Variants in KCNIP4 observed in about 807,000 individuals in gnomAD.
KCNIP4 encodes the protein potassium voltage-gated channel interacting protein 4, also known as Kv channel-interacting protein 4.
Under a neutral mutation model 34.0 loss-of-function variants are expected in KCNIP4, and 12 were observed. That is an observed-to-expected ratio of 0.35 (90% confidence interval 0.23 to 0.57). The LOEUF is 0.57. KCNIP4 is among the 20% of genes least tolerant of loss of function. KCNIP4 has a pLI of 0.83. For missense variants in KCNIP4, 238 were observed against 311.7 expected, an observed-to-expected ratio of 0.76 and a Z score of 1.78; for synonymous variants, 124 against 102.2, an observed-to-expected ratio of 1.21 and a Z score of -1.29.
chr4:21,267,389 A>G (rs12108374), intron 1 of KCNIP4, among the ~76,000 whole-genome samples: 2,526 of 151,858 alleles, frequency 0.017, 69 homozygotes, highest in African/African-American at 0.058. Flanking sequence ...CACTATGTTG[A>G]ATAGGAGTGG....
chr4:21,745,133 G>A (rs1716687164), intron 1 of KCNIP4, among the ~76,000 whole-genome samples: 1 of 152,158 alleles, frequency 6.6e-6, no homozygotes, highest in African/African-American at 2.4e-5. Context: ...ATAGGTTCTA[G>A]AAAGATCTCC....
At chr4:21,152,567 T>C (rs901386976) in intron 1 of KCNIP4, among the ~76,000 whole-genome samples, 7 of 152,022 alleles carry the variant, frequency 4.6e-5, no homozygotes, top group African/African-American at 9.7e-5. Flanking sequence ...ATCAATATAC[T>C]GTATAGGCTT....
intron 1 of KCNIP4, among the ~76,000 whole-genome samples, chr4:21,368,686 A>C (rs1720042114): frequency 1.4e-5 from 2 of 147,380 alleles, no homozygotes; most frequent in African/African-American, 5.4e-5. Context: ...ATTTTCCCTA[A>C]AAAGTCAACA....
At chr4:21,252,546 T>C (rs1288399762) in intron 1 of KCNIP4, among the ~76,000 whole-genome samples, 1 of 152,060 alleles carries the variant, frequency 6.6e-6, no homozygotes, top group Non-Finnish European at 1.5e-5. Flanking sequence ...CACCATCACC[T>C]AAGCAGGGCA....
At chr4:21,264,971 C>T (rs899199638) in intron 1 of KCNIP4, among the ~76,000 whole-genome samples, 3 of 151,966 alleles carry the variant, frequency 2.0e-5, no homozygotes, top group East Asian at 1.9e-4. Flanking sequence ...TGGTGACTTG[C>T]GCCTGTGATC....
intron 1 of KCNIP4, among the ~76,000 whole-genome samples, chr4:21,370,212 T>C (rs1193095316): frequency 2.7e-5 from 4 of 147,340 alleles, no homozygotes; most frequent in Non-Finnish European, 4.4e-5. Flanking sequence ...TTTAAGTAGA[T>C]AGATATTGAG....
chr4:21,706,135 A>G (rs1426309697), intron 1 of KCNIP4, among the ~76,000 whole-genome samples: 1 of 152,220 alleles, frequency 6.6e-6, no homozygotes, highest in African/African-American at 2.4e-5. Context: ...TGGATTAGAT[A>G]TAACTACCAC....
chr4:21,630,053 G>A (rs546592379), intron 1 of KCNIP4, among the ~76,000 whole-genome samples: 22 of 148,170 alleles, frequency 1.5e-4, no homozygotes, highest in African/African-American at 5.2e-4. Context: ...TTGTAGAGAC[G>A]AGGTCTAGCT....
intron 1 of KCNIP4, among the ~76,000 whole-genome samples, chr4:21,676,029 G>A (rs1749866256): frequency 1.3e-5 from 2 of 152,096 alleles, no homozygotes; most frequent in African/African-American, 4.8e-5. Context: ...ATTATATACT[G>A]AGAAAACCAT....
At chr4:21,622,808 C>G (rs55743642) in intron 1 of KCNIP4, among the ~76,000 whole-genome samples, 40,220 of 151,986 alleles carry the variant, frequency 0.26, 6,074 homozygotes, top group African/African-American at 0.42. Flanking sequence ...CAAATAGAAA[C>G]TTTCTAAGTA....
At chr4:21,454,135 G>A (rs537295014) in intron 1 of KCNIP4, among the ~76,000 whole-genome samples, 3 of 152,108 alleles carry the variant, frequency 2.0e-5, no homozygotes, top group East Asian at 1.9e-4. Flanking sequence ...ACAGGGTAAG[G>A]CACCTCTATC....
chr4:21,234,418 T>A (rs62652514), intron 1 of KCNIP4, among the ~76,000 whole-genome samples: 39,745 of 94,540 alleles, frequency 0.42, 10,860 homozygotes, highest in African/African-American at 0.77. Flanking sequence ...TAACATATAC[T>A]ATATATATTA....
At chr4:20,731,921 G>A (rs899476957) in intron 8 of KCNIP4, 85 bp downstream of exon 8, 27 of 1,562,686 alleles carry the variant, frequency 1.7e-5, no homozygotes, top group Middle Eastern at 2.2e-4. Flanking sequence ...TCTATATTTC[G>A]CCCAGTTCAT....
intron 1 of KCNIP4, among the ~76,000 whole-genome samples, chr4:21,924,957 C>G (rs1242837898): frequency 6.6e-6 from 1 of 152,124 alleles, no homozygotes; most frequent in Non-Finnish European, 1.5e-5. Flanking sequence ...GGTCAGTGAT[C>G]TCTAGCATGC....
intron 1 of KCNIP4, among the ~76,000 whole-genome samples, chr4:21,798,510 GGGAAAAA>G (rs1560722426): frequency 1.7e-5 from 1 of 59,118 alleles, no homozygotes; most frequent in African/African-American, 9.8e-5. Flanking sequence ...GCAAGACCCT[GGGAAAAA>G]AAAAAAAAAA....
At chr4:20,941,958 A>C (rs1731685152) in intron 1 of KCNIP4, among the ~76,000 whole-genome samples, 1 of 152,210 alleles carries the variant, frequency 6.6e-6, no homozygotes, top group South Asian at 2.1e-4. Context: ...TTGAGGGCCT[A>C]CTATGTGCTA....
chr4:21,854,220 A>G (rs750429346), intron 1 of KCNIP4, among the ~76,000 whole-genome samples: 1 of 152,154 alleles, frequency 6.6e-6, no homozygotes, highest in Non-Finnish European at 1.5e-5. Context: ...AGGGACAGAC[A>G]TAACTGCTCC....
chr4:21,687,062 C>G (rs987881251), intron 1 of KCNIP4, among the ~76,000 whole-genome samples: 1 of 144,352 alleles, frequency 6.9e-6, no homozygotes, highest in Admixed American at 7.2e-5. Context: ...AGTAAACTAT[C>G]GCAAGAACAA....
chr4:21,583,217 G>T (rs961575781), intron 1 of KCNIP4, among the ~76,000 whole-genome samples: 9 of 151,934 alleles, frequency 5.9e-5, no homozygotes, highest in African/African-American at 2.2e-4. Flanking sequence ...TTCTAATACT[G>T]TACACAGAGT....
Sources: gnomAD v4.1 joint callset for allele counts (sites outside exome capture counted in the v4.1 genomes callset) on GRCh38, gnomAD v4.1.1 for gene constraint, MANE v1.5 for transcripts, NCBI Gene and HGNC (gene_info 2026-07-23, HGNC 2026-07-21) for gene names.